The following MED15 variants were observed in gnomAD, a reference collection of about 807,000 sequenced individuals.
MED15 encodes the protein mediator of RNA polymerase II transcription subunit 15.
MED15 carries 41 observed loss-of-function variants against 118.7 expected under a neutral mutation model. The ratio of observed to expected loss-of-function variants is 0.35; its 90% confidence interval spans 0.27 to 0.45. The LOEUF is 0.45. Ranked by LOEUF, MED15 falls within the 20% of genes least tolerant of loss-of-function variation. The pLI is 1.00. For missense variants in MED15, 740 were observed against 1,025.5 expected (o/e 0.72, Z 3.80); for synonymous variants, 436 against 413.9 (o/e 1.05, Z -0.65).
intron 1 of MED15, among the ~76,000 whole-genome samples, chr22:20,528,852 C>T (rs1016773418): frequency 2.0e-5 from 3 of 152,164 alleles, no homozygotes; most frequent in East Asian, 3.8e-4. Flanking sequence ...AGTGACTATC[C>T]GTTTCATGCT....
chr22:20,561,484 C>T (rs1190828569), intron 5 of MED15, among the ~76,000 whole-genome samples: 2 of 151,330 alleles, frequency 1.3e-5, no homozygotes, highest in African/African-American at 4.9e-5. Context: ...CACGCCACTG[C>T]ACTCCAGTCT....
intron 1 of MED15, among the ~76,000 whole-genome samples, chr22:20,508,822 CAG>C (rs911133250): frequency 6.6e-6 from 1 of 152,144 alleles, no homozygotes; most frequent in African/African-American, 2.4e-5. Flanking sequence ...GGCCTGGGCT[CAG>C]AGGCCTGACA....
rs757310735 is a variant in MED15 at position 20,584,992 on chromosome 22, C to G, written c.1941C>G (p.Thr647=). The change falls in exon 15 of 18, where the codon ACC becomes ACG. Residue 647 remains threonine (T), a synonymous_variant. Transcript: ENST00000263205. ...ACCGCACATTCGTTCCAGCCATGAC[C>G]GCCATTCACGGCCCACCCATCACGT... ...SLYRTFVPAM[T]AIHGPPITAP... The G allele has an allele frequency of 6.2e-7, 1 of 1,613,948 alleles. No individual in the cohort carries two copies. Among genetic ancestry groups the G allele is most frequent in the Non-Finnish European group, 8.5e-7 (1 of 1,180,032 alleles).
intron 1 of MED15, among the ~76,000 whole-genome samples, chr22:20,527,303 T>A (rs1367879667): frequency 6.6e-6 from 1 of 152,170 alleles, no homozygotes; most frequent in Admixed American, 6.6e-5. Context: ...CAATTTTTTC[T>A]TTGACCTTTC....
intron 8 of MED15, 186 bp from the exon 9 acceptor site, chr22:20,574,927 A>G: frequency 1.4e-6 from 1 of 736,798 alleles, no homozygotes; most frequent in Non-Finnish European, 2.3e-6. Context: ...CAATGCCCAG[A>G]CAGACCTGGA....
chr22:20,583,452 A>C, intron 13 of MED15, 59 bp downstream of exon 13: 1 of 1,582,042 alleles, frequency 6.3e-7, no homozygotes, highest in Non-Finnish European at 8.7e-7. Flanking sequence ...CCAGCCATGG[A>C]TGGGCACTTG....
chr22:20,579,358 GGT>G (rs2056911319), intron 9 of MED15, among the ~76,000 whole-genome samples: 1 of 152,044 alleles, frequency 6.6e-6, no homozygotes, highest in African/African-American at 2.4e-5. Context: ...GAAATGAATG[GGT>G]GCCCTTCATT....
chr22:20,518,390 C>T (rs543060645), intron 1 of MED15, among the ~76,000 whole-genome samples: 5 of 152,058 alleles, frequency 3.3e-5, no homozygotes, highest in Admixed American at 2.0e-4. Context: ...CATGTTGGCA[C>T]GAGAGCTTTG....
At chr22:20,559,017 A>G (rs763271633) in intron 5 of MED15, among the ~76,000 whole-genome samples, 2 of 152,146 alleles carry the variant, frequency 1.3e-5, no homozygotes, top group African/African-American at 2.4e-5. Flanking sequence ...AGAGCCGGGC[A>G]CAGTGGCTCA....
chr22:20,572,849 C>T (rs1008206777), intron 8 of MED15, among the ~76,000 whole-genome samples: 14 of 152,132 alleles, frequency 9.2e-5, no homozygotes, highest in African/African-American at 2.9e-4. Flanking sequence ...CGTGCAAGCC[C>T]AGGGGTTTGA....
At chr22:20,561,614 T>C (rs973477722) in intron 5 of MED15, among the ~76,000 whole-genome samples, 2 of 152,122 alleles carry the variant, frequency 1.3e-5, no homozygotes, top group Admixed American at 6.5e-5. Context: ...ACTTTTCTGC[T>C]GAAAGATAGG....
At chr22:20,526,798 G>A (rs1017476398) in intron 1 of MED15, among the ~76,000 whole-genome samples, 1 of 152,170 alleles carries the variant, frequency 6.6e-6, no homozygotes, top group Non-Finnish European at 1.5e-5. Context: ...GGCAGTGGCC[G>A]CAGGTGTGGT....
chr22:20,538,631 T>C (rs563291857), intron 2 of MED15, among the ~76,000 whole-genome samples: 1 of 152,202 alleles, frequency 6.6e-6, no homozygotes, highest in Non-Finnish European at 1.5e-5. Flanking sequence ...ACTTATACTT[T>C]CTACTGCTGT....
chr22:20,580,879 C>T (rs970185604), intron 9 of MED15, among the ~76,000 whole-genome samples: 4 of 152,214 alleles, frequency 2.6e-5, no homozygotes, highest in Non-Finnish European at 2.9e-5. Flanking sequence ...CCTTGCTAAC[C>T]TTTGCGAGAA....
chr22:20,560,024 G>C (rs975318592), intron 5 of MED15, among the ~76,000 whole-genome samples: 1 of 152,246 alleles, frequency 6.6e-6, no homozygotes, highest in South Asian at 2.1e-4. Context: ...GACATTTTGG[G>C]ATGTCACTAC....
chr22:20,509,390 G>T (rs1198823609), intron 1 of MED15, among the ~76,000 whole-genome samples: 1 of 152,180 alleles, frequency 6.6e-6, no homozygotes, highest in Non-Finnish European at 1.5e-5. Context: ...TAGGGAACCT[G>T]TCCTTTTTCA....
intron 1 of MED15, chr22:20,523,979 C>T (rs898089117): frequency 3.1e-5 from 11 of 354,520 alleles, no homozygotes; most frequent in Non-Finnish European, 3.9e-5. Context: ...TGGTATGATT[C>T]GAGATTTTCA....
At chr22:20,547,330 TC>T (rs903562645) in intron 2 of MED15, among the ~76,000 whole-genome samples, 2 of 152,226 alleles carry the variant, frequency 1.3e-5, no homozygotes, top group African/African-American at 2.4e-5. Flanking sequence ...AACTTAATAT[TC>T]AGCTCATTTG....
At chr22:20,563,712 G>A (rs912087709) in intron 5 of MED15, among the ~76,000 whole-genome samples, 8 of 152,226 alleles carry the variant, frequency 5.3e-5, no homozygotes, top group African/African-American at 1.9e-4. Context: ...GGAGGAAACT[G>A]GGCAAAGTAT....
Sources: allele counts gnomAD v4.1 joint callset (sites outside exome capture counted in the v4.1 genomes callset), GRCh38; gene constraint gnomAD v4.1.1; transcripts MANE v1.5; gene names NCBI Gene and HGNC (gene_info 2026-07-23, HGNC 2026-07-21).